SPEN: variants seen among roughly 807,000 people sequenced by gnomAD.
SPEN encodes the protein msx2-interacting protein.
Under a neutral mutation model 269.9 loss-of-function variants are expected in SPEN, and 18 were observed. That is an observed-to-expected ratio of 0.07 (90% CI 0.05 to 0.10). SPEN has a LOEUF of 0.10. Ranked by LOEUF, SPEN falls within the 10% of genes least tolerant of loss-of-function variation. The pLI is 1.00. For missense variants in SPEN, 3,822 were observed against 4,631.2 expected (o/e 0.83, Z 5.07); for synonymous variants, 1,726 against 1,765.7 (o/e 0.98, Z 0.56).
chr1:15,880,624 T>G (rs2070678029), intron 3 of SPEN, among the ~76,000 whole-genome samples: 1 of 151,918 alleles, frequency 6.6e-6, no homozygotes, highest in African/African-American at 2.4e-5. Context: ...CCGGCTAATT[T>G]TTGTATTTTT....
chr1:15,855,039 A>T (rs990796137), intron 1 of SPEN, among the ~76,000 whole-genome samples: 3 of 152,182 alleles, frequency 2.0e-5, no homozygotes, highest in Admixed American at 6.5e-5. Flanking sequence ...TGAGTATAGA[A>T]ATGAAATGAA....
chr1:15,912,547 A>C (rs896445599), intron 5 of SPEN, among the ~76,000 whole-genome samples: 3 of 152,198 alleles, frequency 2.0e-5, no homozygotes, highest in African/African-American at 7.2e-5. Flanking sequence ...AGGATGCACA[A>C]ATATGTTATT....
At chr1:15,908,867 G>A (rs1489406871) in intron 3 of SPEN, among the ~76,000 whole-genome samples, 1 of 152,144 alleles carries the variant, frequency 6.6e-6, no homozygotes, top group Admixed American at 6.6e-5. Context: ...TGTGTTCCAT[G>A]TGGTAACTTT....
chr1:15,904,304 C>T (rs2070930973), intron 3 of SPEN, among the ~76,000 whole-genome samples: 1 of 151,780 alleles, frequency 6.6e-6, no homozygotes, highest in South Asian at 2.1e-4. Context: ...ATGGTGAAAC[C>T]CTGTCTCTAC....
chr1:15,925,593 A>ATT (rs2071158840), intron 10 of SPEN, among the ~76,000 whole-genome samples: 2 of 149,338 alleles, frequency 1.3e-5, no homozygotes, highest in Non-Finnish European at 3.0e-5. Flanking sequence ...ATTTTTATTA[A>ATT]ATTTTTTTTT....
At chr1:15,899,920 A>G (rs2070884359) in intron 3 of SPEN, among the ~76,000 whole-genome samples, 1 of 151,864 alleles carries the variant, frequency 6.6e-6, no homozygotes, top group South Asian at 2.1e-4. Context: ...ATCTCGGCTC[A>G]CTGCAACCTC....
chr1:15,876,098 C>T, intron 2 of SPEN, 104 bp from the exon 3 acceptor site: 1 of 835,284 alleles, frequency 1.2e-6, no homozygotes, highest in Admixed American at 2.4e-5. Flanking sequence ...AGAAAATGAC[C>T]AGTTGCAAAG....
chr1:15,909,275 T>C (rs1401988752), intron 3 of SPEN, 46 bp from the exon 4 acceptor site: 3 of 1,572,568 alleles, frequency 1.9e-6, no homozygotes, highest in African/African-American at 2.8e-5. Flanking sequence ...CTGCTCATTT[T>C]CTGTTTGTCT....
intron 3 of SPEN, among the ~76,000 whole-genome samples, chr1:15,906,773 CTT>C (rs1229092780): frequency 2.1e-3 from 207 of 96,480 alleles, no homozygotes; most frequent in East Asian, 0.019. Flanking sequence ...ATGTTTTCAT[CTT>C]TTTTTTTTTT....
chr1:15,887,359 C>T (rs1264030953), intron 3 of SPEN, among the ~76,000 whole-genome samples: 4 of 143,172 alleles, frequency 2.8e-5, no homozygotes, highest in African/African-American at 1.1e-4. Flanking sequence ...CAGCTCACTG[C>T]AAGCTCCGCC....
chr1:15,913,791 A>C (rs940714162), intron 5 of SPEN, among the ~76,000 whole-genome samples: 2 of 151,932 alleles, frequency 1.3e-5, no homozygotes, highest in Non-Finnish European at 2.9e-5. Context: ...CAGGAGTTTG[A>C]GGCTGCAGTA....
chr1:15,932,928 C>T lies in SPEN; in HGVS notation c.6688C>T (p.Pro2230Ser). 1 of 1,614,200 alleles carries T rather than the reference C, an allele frequency of 6.2e-7. No homozygotes were observed. The highest frequency in any genetic ancestry group is 8.5e-7 in the Non-Finnish European group (1 of 1,180,034). The change falls in exon 11 of 15, where the codon CCA (proline) becomes TCA (serine). Residue 2230 changes from proline (P) to serine (S), a missense_variant. Pro to Ser is a moderately conservative substitution (Grantham distance 74). Coordinates refer to ENST00000375759, the MANE Select transcript of SPEN (RefSeq NM_015001.3). The surrounding 1 kb of genome is among the most constrained non-coding windows in gnomAD (Gnocchi z 4.2). ...GSIINDISGE[P>S]ENFPAPPPYP... Reference sequence around the variant, plus strand: ...CATCATCAATGACATTTCTGGGGAGCCAGAAAACTTCCCAGCACCTCCACC... The same window carrying T: ...CATCATCAATGACATTTCTGGGGAGTCAGAAAACTTCCCAGCACCTCCACC...
At chr1:15,901,083 G>A (rs963168309) in intron 3 of SPEN, among the ~76,000 whole-genome samples, 3 of 151,938 alleles carry the variant, frequency 2.0e-5, no homozygotes, top group Non-Finnish European at 2.9e-5. Flanking sequence ...AGGTGTGGTG[G>A]TGTATGCATG....
chr1:15,932,701 C>T lies in SPEN; in HGVS notation c.6461C>T (p.Ser2154Phe), dbSNP rs750396773. 1 of 1,614,214 alleles carries T rather than the reference C, an allele frequency of 6.2e-7. No homozygotes were observed. Among genetic ancestry groups the T allele is most frequent in the Non-Finnish European group, 8.5e-7 (1 of 1,180,046 alleles). The change falls in exon 11 of 15, where the codon TCT becomes TTT. Residue 2154 changes from serine (S) to phenylalanine (F), a missense_variant. Transcript: ENST00000375759. The surrounding 1 kb of genome is among the most constrained non-coding windows in gnomAD (Gnocchi z 4.2). Reference protein sequence around the residue: ...PDKEPEKEDVSASGPSPEATQ... With the variant: ...PDKEPEKEDVFASGPSPEATQ... ...AAGGAACCAGAGAAAGAAGACGTGT[C>T]TGCCTCTGGGCCGTCCCCAGAAGCC...
At chr1:15,851,335 G>A (rs2070332940) in intron 1 of SPEN, among the ~76,000 whole-genome samples, 2 of 151,810 alleles carry the variant, frequency 1.3e-5, no homozygotes, top group East Asian at 3.9e-4. Context: ...TTCAGTTTGC[G>A]GATTTAAAAA....
chr1:15,870,570 T>C (rs1216862842), intron 1 of SPEN, among the ~76,000 whole-genome samples: 1 of 152,242 alleles, frequency 6.6e-6, no homozygotes, highest in Non-Finnish European at 1.5e-5. Flanking sequence ...TTCTGTTGTC[T>C]TGCTTCAAGA....
chr1:15,913,436 G>A (rs1167633894), intron 5 of SPEN, among the ~76,000 whole-genome samples: 2 of 151,904 alleles, frequency 1.3e-5, no homozygotes, highest in African/African-American at 2.4e-5. Flanking sequence ...ACTGCTGAGC[G>A]TGGTGGCTCA....
intron 3 of SPEN, among the ~76,000 whole-genome samples, chr1:15,897,753 C>A (rs970708598): frequency 6.6e-6 from 1 of 152,166 alleles, no homozygotes; most frequent in Admixed American, 6.6e-5. Flanking sequence ...CCTGCCTCGG[C>A]CTCCCAAAGT....
At chr1:15,885,875 A>T (rs763957724) in intron 3 of SPEN, among the ~76,000 whole-genome samples, 1 of 152,178 alleles carries the variant, frequency 6.6e-6, no homozygotes, top group Non-Finnish European at 1.5e-5. Flanking sequence ...TTGGAAACAC[A>T]TTATTTTTTT....
Sources: gnomAD v4.1 joint callset for allele counts (sites outside exome capture counted in the v4.1 genomes callset) on GRCh38, gnomAD v4.1.1 for gene constraint, Gnocchi (gnomAD v3.1) non-coding constraint, MANE v1.5 for transcripts, NCBI Gene and HGNC (gene_info 2026-07-23, HGNC 2026-07-21) for gene names.